The following ZNF222 variants were observed in gnomAD, a reference collection of about 807,000 sequenced individuals.
ZNF222 encodes zinc finger protein 222.
A neutral mutation model predicts 11.6 loss-of-function variants in ZNF222; 8 were observed. That is an observed-to-expected ratio of 0.69 (90% CI 0.41 to 1.25). The LOEUF (loss-of-function observed/expected upper bound fraction) is 1.25. Among genes scored for constraint, ZNF222 ranks in the 50% most tolerant of loss-of-function variants. The pLI, the probability that ZNF222 is intolerant of heterozygous loss-of-function variation, is 0.01. For missense variants in ZNF222, 483 were observed against 576.1 expected (o/e 0.84, Z 1.65); for synonymous variants, 171 against 195.6 (o/e 0.87, Z 1.05).
intron 3 of ZNF222, among the ~76,000 whole-genome samples, chr19:44,029,294 C>T (rs1416110351): frequency 1.3e-5 from 2 of 149,426 alleles, no homozygotes; most frequent in African/African-American, 5.0e-5. Context: ...TGCAGTTGAC[C>T]CACATCCCAT....
At position 44,025,876 on chromosome 19, in the gene ZNF222, A is replaced by AG; in HGVS notation, c.42+402dup. 1 of 732,678 alleles carries AG rather than the reference A, an allele frequency of 1.4e-6. No homozygotes were observed. Among genetic ancestry groups the AG allele is most frequent in the South Asian group, 2.0e-5 (1 of 50,442 alleles). The allele number at this position is 732,678 out of a possible 1,614,324, so 45.4% of individuals were successfully genotyped here. A position where few individuals can be genotyped will look rare whatever the true frequency, so the allele number is the denominator to read the frequency against. ...CTGGTGGGGTCAGAGCTCCAGCTGCAGGGGCGCCGGCCCTTCTGCCTGATC... is the reference window on the plus strand; with the variant it reads ...CTGGTGGGGTCAGAGCTCCAGCTGCAGGGGGCGCCGGCCCTTCTGCCTGATC... On this transcript the variant is annotated intron_variant, in intron 1 of 3. Transcript: ENST00000391960. This position sits in a 1 kb window ranked among gnomAD's most constrained non-coding sequence, Gnocchi z 4.6.
rs990719846 is a variant in ZNF222 at position 44,027,405 on chromosome 19, A to C, written c.177A>C (p.Gln59His). ...NFRNLLSVGH[Q>H]PFHGDTFHFL... The stretch of plus-strand genomic sequence containing the variant: ...GACTTTGCCTGTTCACAGGGCATCA[A>C]CCATTCCATGGAGATACTTTCCACT... The change falls in exon 3 of 4, where the codon CAA becomes CAC. Residue 59 changes from glutamine to histidine, a missense_variant. Coordinates refer to ENST00000391960, the MANE Select transcript of ZNF222 (RefSeq NM_001129996.2). 1 of 1,614,136 alleles carries C rather than the reference A, an allele frequency of 6.2e-7. No homozygotes were observed. The highest frequency in any genetic ancestry group is 8.5e-7 in the Non-Finnish European group (1 of 1,179,996).
chr19:44,026,207 C>T, intron 1 of ZNF222: 3 of 1,005,508 alleles, frequency 3.0e-6, no homozygotes, highest in Non-Finnish European at 4.6e-6. Context: ...AACTTTATTC[C>T]AAGTACTTTA....
Position 44,025,587 on chromosome 19 carries a change from C to G in ZNF222, c.42+109C>G. On this transcript the variant is annotated intron_variant, in intron 1 of 3. Coordinates refer to ENST00000391960, the MANE Select transcript of ZNF222 (RefSeq NM_001129996.2). This position sits in a 1 kb window ranked among gnomAD's most constrained non-coding sequence, Gnocchi z 4.6. ...TGGGATTGGCGCGGCCCGGTGTGCCCTACTTTGACCTCGCTTAGTCCGCCT... is the reference window on the plus strand; with the variant it reads ...TGGGATTGGCGCGGCCCGGTGTGCCGTACTTTGACCTCGCTTAGTCCGCCT... 8.4e-7 allele frequency: 1 copy of G among 1,185,472 alleles called. No homozygotes were observed. The highest frequency in any genetic ancestry group is 1.2e-6 in the Non-Finnish European group (1 of 863,432). 73.4% of individuals were successfully genotyped at this position (1,185,472 alleles called of 1,614,324 possible). A position where few individuals can be genotyped will look rare whatever the true frequency, so the allele number is the denominator to read the frequency against.
At position 44,027,818 on chromosome 19, in the gene ZNF222, G is replaced by C. The variant is rs908332564; in HGVS notation, c.262+328G>C. On this transcript the variant is annotated intron_variant, in intron 3 of 3. Transcript: ENST00000391960. ...CCCACACTGTCTGACTGCATCTCCT[G>C]TCCTCTCCCCCTTGCTCCATCTTTT... Among the ~76,000 whole-genome samples the C allele has an allele frequency of 8.9e-4, 135 of 152,144 alleles. 1 individual carries two copies. Among genetic ancestry groups the C allele is most frequent in the African/African-American group, 2.9e-3 (120 of 41,506 alleles).
intron 3 of ZNF222, among the ~76,000 whole-genome samples, chr19:44,028,711 T>C (rs1568503348): frequency 6.6e-6 from 1 of 152,240 alleles, no homozygotes; most frequent in African/African-American, 2.4e-5. Context: ...ATGGCAGTTA[T>C]CTGTAAATAT....
chr19:44,032,480 G>C lies in ZNF222; in HGVS notation c.926G>C (p.Arg309Thr). Reference protein sequence around the residue: ...CEICGKSFCLRSSLNRHCMVH... With the variant: ...CEICGKSFCLTSSLNRHCMVH... ...ATATGTGGTAAGAGCTTCTGTCTTA[G>C]GTCAAGTCTTAATAGGCATTGCATG... The change falls in exon 4 of 4, where the codon AGG (arginine) becomes ACG (threonine). Residue 309 changes from arginine (R) to threonine (T), a missense_variant. Physicochemically the swap from Arg to Thr is moderately conservative, Grantham distance 71. Coordinates refer to ENST00000391960, the MANE Select transcript of ZNF222 (RefSeq NM_001129996.2). 6.2e-7 allele frequency: 1 copy of C among 1,614,182 alleles called. No individual in the cohort carries two copies. Among genetic ancestry groups the C allele is most frequent in the Non-Finnish European group, 8.5e-7 (1 of 1,180,032 alleles).
At chr19:44,030,049 TGAGG>T (rs1976468299) in intron 3 of ZNF222, among the ~76,000 whole-genome samples, 6 of 152,240 alleles carry the variant, frequency 3.9e-5, no homozygotes, top group African/African-American at 1.4e-4. Context: ...TTCAGCTCAT[TGAGG>T]CATAGTCTTG....
chr19:44,027,084 A>C lies in ZNF222; in HGVS notation c.104A>C (p.Asp35Ala), dbSNP rs1599858115. 6.2e-7 allele frequency: 1 copy of C among 1,613,830 alleles called. No individual in the cohort carries two copies. The highest frequency in any genetic ancestry group is 2.2e-5 in the East Asian group (1 of 44,874). ...IFTEEELGLL[D>A]PAQRKLYRDV... is the part of the protein sequence containing the mutation. ...ACTGAGGAGGAGCTGGGGCTGCTGG[A>C]CCCTGCCCAGAGGAAGCTGTACCGA... Residue 35 changes from aspartate (D) to alanine (A), a missense_variant, in exon 2 of 4, where the codon GAC (aspartate) becomes GCC (alanine). Asp to Ala is a moderately radical substitution (Grantham distance 126, BLOSUM62 -2). Transcript: ENST00000391960.
rs764065241 is a variant in ZNF222, at chr19:44,031,845, T to C, written c.291T>C (p.Thr97=). Residue 97 remains threonine, a synonymous_variant, in exon 4 of 4, where the codon ACT becomes ACC. Transcript: ENST00000391960. ...GCAAGATCCAAACTGAGATGGAGAC[T>C]GTTCCAGAAGCAGGAACACATGAAG... The part of the protein sequence containing the change: ...LGGKIQTEME[T]VPEAGTHEEF... The C allele has an allele frequency of 6.2e-7, 1 of 1,614,062 alleles. No individual in the cohort carries two copies. Among genetic ancestry groups the C allele is most frequent in the Non-Finnish European group, 8.5e-7 (1 of 1,179,962 alleles).
In ZNF222 at chr19:44,025,980, G is replaced by A; in HGVS notation, c.42+502G>A. 2 of 1,574,822 alleles carry A rather than the reference G, an allele frequency of 1.3e-6. No individual in the cohort carries two copies. Among genetic ancestry groups the A allele is most frequent in the East Asian group, 2.3e-5 (1 of 44,144 alleles). ...GAGGGGAGCATTTAACTTTTATGGG[G>A]GACGGCAAAACGGTCAGGGTGTTTC... On this transcript the variant is annotated intron_variant, in intron 1 of 3. Transcript: ENST00000391960. This position sits in a 1 kb window ranked among gnomAD's most constrained non-coding sequence, Gnocchi z 4.6.
At chr19:44,029,535 A>T (rs1599859560) in intron 3 of ZNF222, among the ~76,000 whole-genome samples, 1 of 152,268 alleles carries the variant, frequency 6.6e-6, no homozygotes, top group East Asian at 1.9e-4. Context: ...TTTTACTGAA[A>T]TCTTTCTTTA....
chr19:44,027,255 A>G (rs1976398012), intron 2 of ZNF222, 106 bp downstream of exon 2: 1 of 1,587,894 alleles, frequency 6.3e-7, no homozygotes, highest in East Asian at 2.2e-5. Context: ...ATTTCCAGTA[A>G]ATTTTGCCTG....
rs1180849536 is a variant in ZNF222 at position 44,032,430 on chromosome 19, T to C, written c.876T>C (p.Thr292=). ...TTCAGAAACATCACAGAATTCATACTGGGGAGAAGCCATTCAAATGTGAAA... is the reference window on the plus strand; with the variant it reads ...TTCAGAAACATCACAGAATTCATACCGGGGAGAAGCCATTCAAATGTGAAA... ...FQLQKHHRIH[T]GEKPFKCEIC... Residue 292 remains threonine (T), a synonymous_variant, in exon 4 of 4, where the codon ACT becomes ACC. Coordinates refer to ENST00000391960, the MANE Select transcript of ZNF222 (RefSeq NM_001129996.2). The C allele has an allele frequency of 1.2e-6, 2 of 1,614,192 alleles. No individual in the cohort carries two copies. Among genetic ancestry groups the C allele is most frequent in the Non-Finnish European group, 1.7e-6 (2 of 1,180,030 alleles).
At chr19:44,029,510 G>A (rs1976455733) in intron 3 of ZNF222, among the ~76,000 whole-genome samples, 1 of 152,114 alleles carries the variant, frequency 6.6e-6, no homozygotes, top group Admixed American at 6.6e-5. Context: ...TGTCAAAAAT[G>A]TGAAGGAATA....
Position 44,032,343 on chromosome 19 carries a change from C to A in ZNF222, c.789C>A (p.His263Gln). 6.2e-7 allele frequency: 1 copy of A among 1,614,120 alleles called. No homozygotes were observed. The highest frequency in any genetic ancestry group is 2.2e-5 in the East Asian group (1 of 44,868). The change falls in exon 4 of 4, where the codon CAC becomes CAA. Residue 263 changes from histidine (H) to glutamine (Q), a missense_variant. His to Gln is a conservative substitution (Grantham distance 24). Coordinates refer to ENST00000391960, the MANE Select transcript of ZNF222 (RefSeq NM_001129996.2). ...CACTTAAAGTTCATTGCAAATTACA[C>A]ATGAGAGAGAAACCTTATAATTGTG... is the stretch of plus-strand genomic sequence containing the variant. ...RSALKVHCKL[H>Q]MREKPYNCEK...
chr19:44,029,037 A>G (rs143318244), intron 3 of ZNF222, among the ~76,000 whole-genome samples: 1 of 152,292 alleles, frequency 6.6e-6, no homozygotes, highest in African/African-American at 2.4e-5. Context: ...ATAGGACTCA[A>G]TGTGAGAAAT....
At chr19:44,029,983 A>G (rs1976466434) in intron 3 of ZNF222, among the ~76,000 whole-genome samples, 1 of 152,246 alleles carries the variant, frequency 6.6e-6, no homozygotes, top group Admixed American at 6.5e-5. Context: ...TAATGCTGCA[A>G]TAATTTTCAT....
intron 3 of ZNF222, among the ~76,000 whole-genome samples, chr19:44,030,713 T>TA (rs1230560669): frequency 6.6e-6 from 1 of 152,202 alleles, no homozygotes; most frequent in African/African-American, 2.4e-5. Context: ...CAGGGGAACT[T>TA]ACCTGAGTGC....
Sources: gnomAD v4.1 joint callset for allele counts (sites outside exome capture counted in the v4.1 genomes callset) on GRCh38, gnomAD v4.1.1 for gene constraint, Gnocchi (gnomAD v3.1) non-coding constraint, MANE v1.5 for transcripts, NCBI Gene and HGNC (gene_info 2026-07-23, HGNC 2026-07-21) for gene names.